Variants in CNTNAP2 observed in about 807,000 individuals in gnomAD.
CNTNAP2 encodes contactin associated protein 2.
CNTNAP2 carries 98 observed loss-of-function variants against 155.2 expected under a neutral mutation model. The observed-to-expected ratio is 0.63, with a 90% CI of 0.54 to 0.75. The LOEUF is 0.75. Among genes scored for constraint, CNTNAP2 ranks in the 30% least tolerant of loss-of-function variants. The pLI, the probability that CNTNAP2 is intolerant of heterozygous loss-of-function variation, is 0.00. For synonymous variants in CNTNAP2, 651 were observed against 631.2 expected (o/e 1.03, Z -0.47); for missense variants, 1,727 against 1,688.1 (o/e 1.02, Z -0.40).
intron 1 of CNTNAP2, among the ~76,000 whole-genome samples, chr7:146,276,696 A>G (rs1019378931): frequency 6.6e-6 from 1 of 152,156 alleles, no homozygotes; most frequent in African/African-American, 2.4e-5. Flanking sequence ...CATGTTAGGT[A>G]TCATGTGACT....
intron 22 of CNTNAP2, among the ~76,000 whole-genome samples, chr7:148,391,333 G>C (rs1322481260): frequency 6.8e-6 from 1 of 146,428 alleles, no homozygotes; most frequent in Non-Finnish European, 1.5e-5. Context: ...GGGAAACACT[G>C]GGCAGTAGAG....
chr7:146,849,648 A>AT (rs1459445068), intron 3 of CNTNAP2, among the ~76,000 whole-genome samples: 1 of 152,176 alleles, frequency 6.6e-6, no homozygotes. Context: ...ACCTTATGCG[A>AT]TTTTTGTGAG....
At chr7:147,294,439 G>A (rs1584852293) in intron 8 of CNTNAP2, among the ~76,000 whole-genome samples, 1 of 152,202 alleles carries the variant, frequency 6.6e-6, no homozygotes, top group Middle Eastern at 3.4e-3. Flanking sequence ...CTTTGTCTTA[G>A]TTGTTTAAGA....
chr7:146,611,919 A>G (rs1000705361), intron 1 of CNTNAP2, among the ~76,000 whole-genome samples: 2 of 152,198 alleles, frequency 1.3e-5, no homozygotes, highest in African/African-American at 4.8e-5. Flanking sequence ...ACTTTTCAAT[A>G]TTGAAAGGAT....
At chr7:147,879,413 C>G (rs939516742) in intron 13 of CNTNAP2, among the ~76,000 whole-genome samples, 1 of 152,164 alleles carries the variant, frequency 6.6e-6, no homozygotes, top group African/African-American at 2.4e-5. Flanking sequence ...ATATGACAAA[C>G]TTGCCTTCCT....
chr7:146,541,485 T>A (rs1797952810), intron 1 of CNTNAP2, among the ~76,000 whole-genome samples: 1 of 151,918 alleles, frequency 6.6e-6, no homozygotes, highest in Non-Finnish European at 1.5e-5. Context: ...TGAAGATGAG[T>A]CATATGACAG....
intron 1 of CNTNAP2, among the ~76,000 whole-genome samples, chr7:146,540,847 A>G (rs1797942459): frequency 1.3e-5 from 2 of 152,104 alleles, no homozygotes; most frequent in Non-Finnish European, 1.5e-5. Flanking sequence ...TTGTCATTAC[A>G]GAATGCGTGT....
chr7:146,117,241 C>A, intron 1 of CNTNAP2: 2 of 496,090 alleles, frequency 4.0e-6, no homozygotes, highest in East Asian at 3.2e-5. Context: ...GCTAGAGAGA[C>A]TGATGTAGAT....
intron 13 of CNTNAP2, among the ~76,000 whole-genome samples, chr7:147,724,175 G>C (rs1796607684): frequency 6.6e-6 from 1 of 151,888 alleles, no homozygotes; most frequent in Non-Finnish European, 1.5e-5. Context: ...CCCAAAAGAA[G>C]GCCTACCAAA....
rs148861462 is a variant in CNTNAP2 at position 146,369,868 on chromosome 7, G to T, written c.97+252895G>T. Among the ~76,000 whole-genome samples the T allele has an allele frequency of 3.0e-3, 450 of 152,124 alleles. 2 individuals carry two copies. Among genetic ancestry groups the T allele is most frequent in the African/African-American group, 7.2e-3 (301 of 41,526 alleles). ...TTATTGAATTTTGACATACACAAAT[G>T]GCTCATATTTACTCTTTTTATCAGC... On this transcript the variant is annotated intron_variant, in intron 1 of 23. Coordinates refer to ENST00000361727, the MANE Select transcript of CNTNAP2 (RefSeq NM_014141.6).
chr7:148,179,084 C>T (rs985430010), intron 18 of CNTNAP2, among the ~76,000 whole-genome samples: 2 of 152,188 alleles, frequency 1.3e-5, no homozygotes, highest in Non-Finnish European at 2.9e-5. Flanking sequence ...GGAAACCACA[C>T]CCACCATATC....
chr7:148,096,860 C>T (rs547216637), intron 15 of CNTNAP2, among the ~76,000 whole-genome samples: 256 of 152,266 alleles, frequency 1.7e-3, no homozygotes, highest in African/African-American at 5.9e-3. Flanking sequence ...CTTAATATCC[C>T]TTAATATAAC....
intron 1 of CNTNAP2, among the ~76,000 whole-genome samples, chr7:146,724,561 C>CTTTTTT (rs1000613503): frequency 6.1e-5 from 4 of 65,604 alleles, no homozygotes; most frequent in Admixed American, 1.8e-4. Flanking sequence ...TAAATCTAAA[C>CTTTTTT]TTTTTTTTTT....
intron 1 of CNTNAP2, among the ~76,000 whole-genome samples, chr7:146,693,781 C>G (rs191630828): frequency 6.6e-6 from 1 of 152,108 alleles, no homozygotes; most frequent in East Asian, 1.9e-4. Flanking sequence ...AGGTTTGTTG[C>G]GTATGTAAAC....
At chr7:147,832,121 A>G (rs1798556269) in intron 13 of CNTNAP2, among the ~76,000 whole-genome samples, 1 of 148,088 alleles carries the variant, frequency 6.8e-6, no homozygotes, top group African/African-American at 2.4e-5. Flanking sequence ...TTATAATCAT[A>G]CAATTATATT....
At chr7:146,361,714 A>T (rs1266602550) in intron 1 of CNTNAP2, among the ~76,000 whole-genome samples, 1 of 152,208 alleles carries the variant, frequency 6.6e-6, no homozygotes, top group African/African-American at 2.4e-5. Context: ...ATTAGATTTC[A>T]TCTGATTGGC....
chr7:146,657,764 T>C (rs1325138416), intron 1 of CNTNAP2, among the ~76,000 whole-genome samples: 1 of 152,168 alleles, frequency 6.6e-6, no homozygotes, highest in Non-Finnish European at 1.5e-5. Flanking sequence ...GCAATGATCT[T>C]CATTGTCAAA....
At chr7:148,413,980 C>CACTGTCTCTACTTTTT (rs1343827561) in intron 23 of CNTNAP2, among the ~76,000 whole-genome samples, 3 of 151,756 alleles carry the variant, frequency 2.0e-5, no homozygotes, top group Admixed American at 1.3e-4. Flanking sequence ...CTTTTTTATC[C>CACTGTCTCTACTTTTT]ACTGTCTCTA....
chr7:148,388,077 C>A (rs1799257059), intron 22 of CNTNAP2, among the ~76,000 whole-genome samples: 1 of 152,148 alleles, frequency 6.6e-6, no homozygotes, highest in Non-Finnish European at 1.5e-5. Flanking sequence ...CAAGAAATAA[C>A]CATAAAAATG....
Sources: gnomAD v4.1 joint callset for allele counts (sites outside exome capture counted in the v4.1 genomes callset) on GRCh38, gnomAD v4.1.1 for gene constraint, MANE v1.5 for transcripts, NCBI Gene and HGNC (gene_info 2026-07-23, HGNC 2026-07-21) for gene names.